The following TGM6 variants were observed in gnomAD, a reference collection of about 807,000 sequenced individuals.
TGM6 encodes protein-glutamine gamma-glutamyltransferase 6.
In TGM6, 74 loss-of-function variants were observed where a neutral mutation model predicts 77.5. The ratio of observed to expected loss-of-function variants is 0.96; its 90% confidence interval spans 0.79 to 1.16. The LOEUF (loss-of-function observed/expected upper bound fraction) is 1.16. TGM6 is among the 50% of genes most tolerant of loss of function. TGM6 has a pLI of 0.00. For missense variants in TGM6, 968 were observed against 940.2 expected (o/e 1.03, Z -0.39); for synonymous variants, 383 against 378.9 (o/e 1.01, Z -0.12).
intron 12 of TGM6, among the ~76,000 whole-genome samples, chr20:2,431,517 T>A (rs1427918872): frequency 2.0e-5 from 3 of 152,252 alleles, no homozygotes; most frequent in Admixed American, 2.0e-4. Context: ...TTGCAACTCA[T>A]GTGGTCCTTG....
chr20:2,397,821 T>C, intron 4 of TGM6, 97 bp from the exon 5 acceptor site: 1 of 1,607,784 alleles, frequency 6.2e-7, no homozygotes, highest in Non-Finnish European at 8.5e-7. Flanking sequence ...CAAACTGCCC[T>C]GCACAGATGG....
chr20:2,407,195 A>G (rs1277583431), intron 9 of TGM6, among the ~76,000 whole-genome samples: 1 of 152,248 alleles, frequency 6.6e-6, no homozygotes, highest in African/African-American at 2.4e-5. Flanking sequence ...TCTACTGTTT[A>G]TTGACTGCCT....
Position 2,396,495 on chromosome 20 carries a change from C to G in TGM6, c.425-11C>G, listed in dbSNP as rs376232703. 15 of 1,613,812 alleles carry G rather than the reference C, an allele frequency of 9.3e-6. No homozygotes were observed. The highest frequency in any genetic ancestry group is 1.3e-5 in the Non-Finnish European group (15 of 1,179,782). On this transcript the variant is annotated splice_polypyrimidine_tract_variant and intron_variant, in intron 3 of 12. Coordinates refer to ENST00000202625, the MANE Select transcript of TGM6 (RefSeq NM_198994.3). ...CCCCAGTCCACACCGGGCCTGATGA[C>G]TGCTTTTCAGAGGACGATGTGTTTC...
chr20:2,430,830 G>A, intron 11 of TGM6, 64 bp from the exon 12 acceptor site: 2 of 1,613,702 alleles, frequency 1.2e-6, no homozygotes, highest in Non-Finnish European at 1.7e-6. Context: ...ACTCAGCCAG[G>A]ACCATCGGTT....
chr20:2,417,693 G>T lies in TGM6; in HGVS notation c.1678+120G>T. The T allele has an allele frequency of 2.5e-6, 3 of 1,187,216 alleles. 1 individual carries two copies. The South Asian group carries it at 4.0e-5, about 16-fold the overall frequency. 73.5% of individuals were successfully genotyped at this position (1,187,216 alleles called of 1,614,324 possible). ...CCCCAGGAAGGAAGGGGACATTCCT[G>T]AGCATTGTGCTCAGTGCCTTGCCTC... On this transcript the variant is annotated intron_variant, in intron 10 of 12. Transcript: ENST00000202625.
chr20:2,403,594 C>T lies in TGM6; in HGVS notation c.1107C>T (p.Cys369=), dbSNP rs776922671. ...PQEESEGVFR[C]GPASVTAIRE... ...CCTCCTGCCCAGGTGTGTTCCGGTG[C>T]GGCCCAGCCTCAGTCACCGCCATCC... Residue 369 remains cysteine, a synonymous_variant, in exon 9 of 13, where the codon TGC becomes TGT. Coordinates refer to ENST00000202625, the MANE Select transcript of TGM6 (RefSeq NM_198994.3). The T allele has an allele frequency of 7.4e-6, 12 of 1,614,106 alleles. No homozygotes were observed. The highest frequency in any genetic ancestry group is 4.5e-5 in the East Asian group (2 of 44,888).
intron 10 of TGM6, among the ~76,000 whole-genome samples, chr20:2,421,080 G>A (rs1379285369): frequency 3.3e-5 from 5 of 151,986 alleles, no homozygotes; most frequent in Admixed American, 1.3e-4. Flanking sequence ...TCCGCCTCCC[G>A]GGTTCAAGTG....
chr20:2,386,867 C>G (rs1430811603), intron 1 of TGM6, among the ~76,000 whole-genome samples: 1 of 152,124 alleles, frequency 6.6e-6, no homozygotes, highest in African/African-American at 2.4e-5. Flanking sequence ...GGTCCAGCAG[C>G]CCTCATCCAA....
intron 9 of TGM6, among the ~76,000 whole-genome samples, chr20:2,413,233 T>C (rs1054900844): frequency 6.6e-6 from 1 of 152,156 alleles, no homozygotes; most frequent in Non-Finnish European, 1.5e-5. Context: ...CTGGGCAACA[T>C]GGACGACTTC....
intron 12 of TGM6, 126 bp from the exon 13 acceptor site, chr20:2,432,364 A>T: frequency 8.2e-7 from 1 of 1,225,306 alleles, no homozygotes; most frequent in Non-Finnish European, 1.2e-6. Flanking sequence ...CATGTTGATA[A>T]GGCTTGAATG....
chr20:2,420,101 C>T (rs1467489617), intron 10 of TGM6, among the ~76,000 whole-genome samples: 8 of 152,018 alleles, frequency 5.3e-5, no homozygotes, highest in Admixed American at 2.6e-4. Context: ...AAAAATTAGC[C>T]GGGCGTGGCG....
chr20:2,413,043 G>A (rs2084794072), intron 9 of TGM6, among the ~76,000 whole-genome samples: 1 of 152,064 alleles, frequency 6.6e-6, no homozygotes, highest in Admixed American at 6.5e-5. Flanking sequence ...AAATTCATTT[G>A]GAAACACAAG....
Position 2,400,334 on chromosome 20 carries a change from G to C in TGM6, c.879G>C (p.Arg293=). The C allele has an allele frequency of 6.2e-7, 1 of 1,614,178 alleles. No homozygotes were observed. The highest frequency in any genetic ancestry group is 8.5e-7 in the Non-Finnish European group (1 of 1,180,028). ...TCAGGTGCTTGGGGATAGCCACACG[G>C]GTCGTGTCCAACTTCAACTCAGCCC... is the stretch of plus-strand genomic sequence containing the variant. The part of the protein sequence containing the change: ...TVLRCLGIAT[R]VVSNFNSAHD... Residue 293 remains arginine (R), a synonymous_variant, in exon 7 of 13, where the codon CGG becomes CGC. Transcript: ENST00000202625.
At chr20:2,406,661 A>G (rs892401913) in intron 9 of TGM6, among the ~76,000 whole-genome samples, 3 of 146,768 alleles carry the variant, frequency 2.0e-5, no homozygotes, top group Non-Finnish European at 4.5e-5. Context: ...CATGGCGAAA[A>G]CCCGTCTCTA....
intron 10 of TGM6, among the ~76,000 whole-genome samples, chr20:2,423,238 T>C (rs2084868221): frequency 6.6e-6 from 1 of 151,950 alleles, no homozygotes; most frequent in Admixed American, 6.6e-5. Context: ...TGAATGACTT[T>C]CTTCCTTTCA....
intron 9 of TGM6, among the ~76,000 whole-genome samples, chr20:2,410,860 T>C (rs2084780487): frequency 6.6e-6 from 1 of 152,162 alleles, no homozygotes; most frequent in South Asian, 2.1e-4. Flanking sequence ...TTAGATTAAA[T>C]GGGTAAATTT....
At chr20:2,381,566 A>C (rs1483953867) in intron 1 of TGM6, among the ~76,000 whole-genome samples, 1 of 152,180 alleles carries the variant, frequency 6.6e-6, no homozygotes, top group Non-Finnish European at 1.5e-5. Flanking sequence ...AGTTGGTGAG[A>C]CCACGTGTGC....
intron 3 of TGM6, among the ~76,000 whole-genome samples, chr20:2,396,190 A>G (rs1336117355): frequency 1.3e-5 from 2 of 152,024 alleles, no homozygotes; most frequent in African/African-American, 2.4e-5. Flanking sequence ...CAAAAAAAAA[A>G]AAAAAGAAAA....
intron 1 of TGM6, among the ~76,000 whole-genome samples, chr20:2,388,509 T>A (rs1333207597): frequency 6.6e-6 from 1 of 152,100 alleles, no homozygotes; most frequent in African/African-American, 2.4e-5. Flanking sequence ...CAGTGGCTTA[T>A]GCCTGTAATC....
Sources: allele counts gnomAD v4.1 joint callset (sites outside exome capture counted in the v4.1 genomes callset), GRCh38; gene constraint gnomAD v4.1.1; transcripts MANE v1.5; gene names NCBI Gene and HGNC (gene_info 2026-07-23, HGNC 2026-07-21).